The following SCAMP4 variants were observed in gnomAD, a reference collection of about 807,000 sequenced individuals.
The protein encoded by SCAMP4 is secretory carrier membrane protein 4, also known as secretory carrier-associated membrane protein 4.
SCAMP4 carries 19 observed loss-of-function variants against 32.1 expected under a neutral mutation model. The ratio of observed to expected loss-of-function variants is 0.59; its 90% CI spans 0.41 to 0.87. The LOEUF is 0.87. Among genes scored for constraint, SCAMP4 ranks in the 40% least tolerant of loss-of-function variants. The probability of loss-of-function intolerance (pLI) is 0.00; values close to 1 mark genes in which losing one functional copy is unlikely to be tolerated. For synonymous variants in SCAMP4, 152 were observed against 132.7 expected (o/e 1.15, Z -1.00); for missense variants, 302 against 309.0 (o/e 0.98, Z 0.17).
At position 1,913,072 on chromosome 19, in the gene SCAMP4, G is replaced by T; in HGVS notation, c.-41-1907G>T. 1.9e-6 allele frequency: 3 copies of T among 1,601,934 alleles called. No homozygotes were observed. Among genetic ancestry groups the T allele is most frequent in the South Asian group, 1.1e-5 (1 of 90,870 alleles). ...GGCACCCGCTTCCGCATCCACGCAC[G>T]GCCCGACCTCAACCACCGCTTCCAG... is the stretch of plus-strand genomic sequence containing the variant. On this transcript the variant is annotated intron_variant, in intron 1 of 6. Transcript: ENST00000316097.
intron 2 of SCAMP4, among the ~76,000 whole-genome samples, chr19:1,915,967 G>A (rs886410340): frequency 1.2e-4 from 18 of 149,620 alleles, no homozygotes; most frequent in East Asian, 2.0e-4. Context: ...GAGATGGTCC[G>A]GGCGTGGTGG....
At chr19:1,919,531 C>T (rs1263069836) in intron 5 of SCAMP4, 9 of 876,954 alleles carry the variant, frequency 1.0e-5, no homozygotes, top group Non-Finnish European at 1.2e-5. Flanking sequence ...GAGTCTTGCT[C>T]TGTCACCCAG....
chr19:1,908,305 C>T lies in SCAMP4; in HGVS notation c.-42+2866C>T, dbSNP rs773854224. The T allele has an allele frequency of 3.0e-5, 10 of 333,314 alleles. No homozygotes were observed. The highest frequency in any genetic ancestry group is 5.4e-5 in the Non-Finnish European group (9 of 167,956). 20.6% of individuals were successfully genotyped at this position (333,314 alleles called of 1,614,324 possible). The stretch of plus-strand genomic sequence containing the variant: ...TGTGCTTTGTTGAACGCGTGAGCTT[C>T]GGGCAGCGCTGGGGCCGCTTCAGCG... On this transcript the variant is annotated intron_variant, in intron 1 of 6. Coordinates refer to ENST00000316097, the MANE Select transcript of SCAMP4 (RefSeq NM_079834.4). The surrounding 1 kb of genome is among the most constrained non-coding windows in gnomAD (Gnocchi z 4.2).
intron 1 of SCAMP4, 53 bp from the exon 2 acceptor site, chr19:1,914,926 C>T (rs1006510232): frequency 2.2e-5 from 33 of 1,481,824 alleles, no homozygotes; most frequent in Admixed American, 6.7e-5. Context: ...GGGTGGTTAG[C>T]GCTCTGCCCA....
rs571666841 is a variant in SCAMP4, at chr19:1,912,105, G to A, written c.-41-2874G>A. On this transcript the variant is annotated intron_variant, in intron 1 of 6. Transcript: ENST00000316097. The stretch of plus-strand genomic sequence containing the variant: ...GTCGGCCTCGCTGAGGATGGAGCCC[G>A]CCCCGGGCCTCGTGGAGCAGCCCAA... 24 of 1,514,212 alleles carry A rather than the reference G, an allele frequency of 1.6e-5. No individual in the cohort carries two copies. In the South Asian group the frequency reaches 2.1e-4, roughly 13 times the overall value. 93.8% of individuals were successfully genotyped at this position (1,514,212 alleles called of 1,614,324 possible).
At chr19:1,912,104 C>G in intron 1 of SCAMP4, 2 of 1,509,250 alleles carry the variant, frequency 1.3e-6, no homozygotes, top group Non-Finnish European at 1.8e-6. Flanking sequence ...GGATGGAGCC[C>G]GCCCCGGGCC....
intron 2 of SCAMP4, among the ~76,000 whole-genome samples, chr19:1,917,238 A>G (rs2013761338): frequency 6.6e-6 from 1 of 152,184 alleles, no homozygotes. Flanking sequence ...CTTGGGAGGC[A>G]GAGGCTGCAG....
chr19:1,912,851 C>G, intron 1 of SCAMP4: 1 of 1,596,978 alleles, frequency 6.3e-7, no homozygotes, highest in Non-Finnish European at 8.5e-7. Context: ...GCTCCTTCGC[C>G]CCGGCCGCTG....
chr19:1,918,622 C>T (rs1301001987), intron 4 of SCAMP4: 7 of 529,620 alleles, frequency 1.3e-5, no homozygotes, highest in Non-Finnish European at 2.0e-5. Flanking sequence ...ATTAGCCAGG[C>T]GTGGTTGCGG....
chr19:1,918,399 G>C, intron 4 of SCAMP4, 116 bp downstream of exon 4: 1 of 1,176,862 alleles, frequency 8.5e-7, no homozygotes, highest in Non-Finnish European at 1.1e-6. Flanking sequence ...GTGAAAGACA[G>C]TTCACATCTG....
chr19:1,921,055 G>A lies in SCAMP4; in HGVS notation c.396-2015G>A, dbSNP rs907151244. ...AACCCAGCGGGTCTTAGGAGAGCCC[G>A]GCCCCCCTTGTAATGAGAGAAATCA... On this transcript the variant is annotated intron_variant, in intron 5 of 6. Coordinates refer to ENST00000316097, the MANE Select transcript of SCAMP4 (RefSeq NM_079834.4). 2.1e-5 allele frequency: 21 copies of A among 985,278 alleles called. No homozygotes were observed. The African/African-American group carries it at 2.6e-4, about 12-fold the overall frequency. 61.0% of individuals were successfully genotyped at this position (985,278 alleles called of 1,614,324 possible).
intron 1 of SCAMP4, chr19:1,912,988 T>G: frequency 1.2e-6 from 2 of 1,609,100 alleles, no homozygotes; most frequent in Non-Finnish European, 1.7e-6. Context: ...GCCATGGCCC[T>G]GGTGCACGCA....
At chr19:1,923,909 G>GT (rs2014007555) in intron 6 of SCAMP4, among the ~76,000 whole-genome samples, 199 bp from the exon 7 acceptor site, 1 of 102,454 alleles carries the variant, frequency 9.8e-6, no homozygotes, top group Non-Finnish European at 2.7e-5. Context: ...ACAGGCGTGA[G>GT]CCACCGTGCC....
Position 1,924,373 on chromosome 19 carries a change from G to A in SCAMP4, c.*89G>A, listed in dbSNP as rs935374418. 2 of 1,306,642 alleles carry A rather than the reference G, an allele frequency of 1.5e-6. No individual in the cohort carries two copies. Among genetic ancestry groups the A allele is most frequent in the South Asian group, 1.4e-5 (1 of 73,978 alleles). 80.9% of individuals were successfully genotyped at this position (1,306,642 alleles called of 1,614,324 possible). A position where few individuals can be genotyped will look rare whatever the true frequency, so the allele number is the denominator to read the frequency against. On this transcript the variant is annotated 3_prime_UTR_variant, in exon 7 of 7. Coordinates refer to ENST00000316097, the MANE Select transcript of SCAMP4 (RefSeq NM_079834.4). The stretch of plus-strand genomic sequence containing the variant: ...GTCCCGAGGGCTGGGAGTACCTGGG[G>A]CCCCATCCCCCCAGCTGGGATGGTG...
chr19:1,923,767 C>T lies in SCAMP4; in HGVS notation c.514-341C>T, dbSNP rs575381151. Among the ~76,000 whole-genome samples, 324 of 120,398 alleles carry T rather than the reference C, an allele frequency of 2.7e-3. 12 individuals carry two copies. Among genetic ancestry groups the T allele is most frequent in the Non-Finnish European group, 3.5e-3 (209 of 59,470 alleles). 79.0% of individuals were successfully genotyped at this position (120,398 alleles called of 152,430 possible). A position where few individuals can be genotyped will look rare whatever the true frequency, so the allele number is the denominator to read the frequency against. The stretch of plus-strand genomic sequence containing the variant: ...CCGAGTAGCTGGGACTACAGGCGCC[C>T]GCTACCGCACCTGGCTAATTATTTT... On this transcript the variant is annotated intron_variant, in intron 6 of 6. Transcript: ENST00000316097.
In SCAMP4 at chr19:1,908,962, G is replaced by C. The variant is rs530160130; in HGVS notation, c.-42+3523G>C. ...TCTACTGAAAATACAAAAATTAGCC[G>C]GGCGTGGTGGCATGTGCCTGTATTC... On this transcript the variant is annotated intron_variant, in intron 1 of 6. Transcript: ENST00000316097. This position sits in a 1 kb window ranked among gnomAD's most constrained non-coding sequence, Gnocchi z 4.2. 2.6e-5 allele frequency among the ~76,000 whole-genome samples: 4 copies of C among 152,106 alleles called. No homozygotes were observed. Among genetic ancestry groups the C allele is most frequent in the African/African-American group, 9.7e-5 (4 of 41,406 alleles).
intron 5 of SCAMP4, chr19:1,921,452 G>A: frequency 1.0e-6 from 1 of 985,398 alleles, no homozygotes; most frequent in Non-Finnish European, 1.2e-6. Context: ...GTGCAGCAGG[G>A]GCCCCCGGTG....
intron 1 of SCAMP4, among the ~76,000 whole-genome samples, chr19:1,910,166 T>C (rs534581824): frequency 6.6e-6 from 1 of 152,324 alleles, no homozygotes; most frequent in African/African-American, 2.4e-5. Flanking sequence ...CTGGCTCCTC[T>C]CTGCGGGGTC....
At position 1,910,112 on chromosome 19, in the gene SCAMP4, C is replaced by T. The variant is rs117267969; in HGVS notation, c.-42+4673C>T. ...GCATCTGTGGGCTTAATACAACACCCGCCAGCTCCCGGTTCTGTGGGTCGG... is the reference window on the plus strand; with the variant it reads ...GCATCTGTGGGCTTAATACAACACCTGCCAGCTCCCGGTTCTGTGGGTCGG... On this transcript the variant is annotated intron_variant, in intron 1 of 6. Transcript: ENST00000316097. 1.9e-3 allele frequency among the ~76,000 whole-genome samples: 287 copies of T among 152,312 alleles called. 7 individuals are homozygous for T. In the East Asian group the frequency reaches 0.048, roughly 25 times the overall value.
Sources: allele counts gnomAD v4.1 joint callset (sites outside exome capture counted in the v4.1 genomes callset), GRCh38; gene constraint gnomAD v4.1.1; non-coding constraint Gnocchi (gnomAD v3.1); transcripts MANE v1.5; gene names NCBI Gene and HGNC (gene_info 2026-07-23, HGNC 2026-07-21).